Variants in PLAG1 observed in about 807,000 individuals in gnomAD.
PLAG1 encodes zinc finger protein PLAG1.
A neutral mutation model predicts 35.5 loss-of-function variants in PLAG1; 7 were observed. The ratio of observed to expected loss-of-function variants is 0.20; its 90% CI spans 0.11 to 0.37. The LOEUF (loss-of-function observed/expected upper bound fraction) is 0.37, where lower values mean the gene tolerates loss of function less well. PLAG1 is among the 10% of genes least tolerant of loss of function. The pLI is 1.00. For synonymous variants in PLAG1, 229 were observed against 225.4 expected, an observed-to-expected ratio of 1.02 and a Z score of -0.14; for missense variants, 454 against 602.8, an observed-to-expected ratio of 0.75 and a Z score of 2.58.
At chr8:56,178,796 C>T (rs1037353360) in intron 2 of PLAG1, among the ~76,000 whole-genome samples, 1 of 151,986 alleles carries the variant, frequency 6.6e-6, no homozygotes, top group African/African-American at 2.4e-5. Flanking sequence ...GGTACCAAAT[C>T]CACGTGTGCC....
intron 3 of PLAG1, among the ~76,000 whole-genome samples, chr8:56,170,270 A>G (rs922436930): frequency 2.6e-5 from 4 of 152,198 alleles, no homozygotes; most frequent in African/African-American, 9.6e-5. Context: ...TGACATTAAC[A>G]CAATGCAACT....
At chr8:56,202,224 G>T (rs1027888845) in intron 1 of PLAG1, among the ~76,000 whole-genome samples, 2 of 152,152 alleles carry the variant, frequency 1.3e-5, no homozygotes, top group Non-Finnish European at 2.9e-5. Flanking sequence ...ACTTGAAAAA[G>T]ATCTAGATTT....
In PLAG1 at chr8:56,168,398, A is replaced by C. The variant is rs1321622163; in HGVS notation, c.-117-12T>G. ...AAAGCAAAAAGGGACTGGAAAAAAA[A>C]ATAAGAAACAACTAGTTTGTAACTA... is the stretch of plus-strand genomic sequence containing the variant. On this transcript the variant is annotated splice_polypyrimidine_tract_variant and intron_variant, in intron 3 of 4. Coordinates refer to ENST00000316981, the MANE Select transcript of PLAG1 (RefSeq NM_002655.3). 7.9e-7 allele frequency: 1 copy of C among 1,266,444 alleles called. No homozygotes were observed. Among genetic ancestry groups the C allele is most frequent in the African/African-American group, 1.5e-5 (1 of 66,168 alleles). The allele number at this position is 1,266,444 out of a possible 1,614,324, so 78.5% of individuals were successfully genotyped here.
chr8:56,178,052 C>T (rs1811758980), intron 2 of PLAG1: 1 of 964,994 alleles, frequency 1.0e-6, no homozygotes, highest in Non-Finnish European at 1.2e-6. Flanking sequence ...ATGTCCTGTT[C>T]CATAGCTCCT....
intron 1 of PLAG1, among the ~76,000 whole-genome samples, chr8:56,193,059 TAAG>T (rs1346698433): frequency 1.3e-5 from 2 of 152,186 alleles, no homozygotes; most frequent in African/African-American, 4.8e-5. Flanking sequence ...AAACAAAAGA[TAAG>T]TAGGCAGATT....
At chr8:56,172,356 AT>A (rs1423682935) in intron 2 of PLAG1, among the ~76,000 whole-genome samples, 1 of 152,246 alleles carries the variant, frequency 6.6e-6, no homozygotes, top group Admixed American at 6.5e-5. Context: ...TATTTTAAAC[AT>A]TAAAGCAAAA....
chr8:56,203,594 A>G (rs71519446), intron 1 of PLAG1, among the ~76,000 whole-genome samples: 1 of 152,106 alleles, frequency 6.6e-6, no homozygotes, highest in African/African-American at 2.4e-5. Context: ...TTATGAAGCA[A>G]GATAAAGAAA....
At chr8:56,188,049 T>C (rs1812074360) in intron 1 of PLAG1, among the ~76,000 whole-genome samples, 1 of 152,192 alleles carries the variant, frequency 6.6e-6, no homozygotes, top group Non-Finnish European at 1.5e-5. Flanking sequence ...GAAAATATTA[T>C]AATAGCTAAA....
intron 1 of PLAG1, among the ~76,000 whole-genome samples, chr8:56,210,793 G>A (rs1215096426): frequency 1.3e-5 from 2 of 150,874 alleles, no homozygotes; most frequent in African/African-American, 2.4e-5. Context: ...GGAGGAGGAG[G>A]AAAACTTTTC....
Position 56,166,943 on chromosome 8 carries a change from G to A in PLAG1, c.803C>T (p.Pro268Leu), listed in dbSNP as rs1585774853. The change falls in exon 5 of 5, where the codon CCG becomes CTG. Residue 268 changes from proline to leucine, a missense_variant. This residue lies in a region of PLAG1 where 271 missense variants were observed against 315.6 expected (regional missense o/e 0.86). Transcript: ENST00000316981. ...VSVPIKDELL[P>L]VMSLPSSELL... ...TTCACTGGAAGGTAAGGACATCACCGGAAGGAGCTCGTCTTTTATAGGCAC... is the reference window on the plus strand; with the variant it reads ...TTCACTGGAAGGTAAGGACATCACCAGAAGGAGCTCGTCTTTTATAGGCAC... The A allele has an allele frequency of 6.2e-7, 1 of 1,613,852 alleles. No homozygotes were observed. The highest frequency in any genetic ancestry group is 8.5e-7 in the Non-Finnish European group (1 of 1,179,936).
chr8:56,167,109 A>T lies in PLAG1; in HGVS notation c.637T>A (p.Phe213Ile). Residue 213 changes from phenylalanine to isoleucine, a missense_variant, in exon 5 of 5, where the codon TTC becomes ATC. This residue lies in a region of PLAG1 where 9 missense variants were observed against 37.4 expected (regional missense o/e 0.24). Coordinates refer to ENST00000316981, the MANE Select transcript of PLAG1 (RefSeq NM_002655.3). The surrounding 1 kb of genome is among the most constrained non-coding windows in gnomAD (Gnocchi z 5.9). The stretch of plus-strand genomic sequence containing the variant: ...CTCTGTGCACAATACTGACAGAGGA[A>T]GTCCTTTCTTCCAGTGTGCACCACC... ...HMVVHTGRKD[F>I]LCQYCAQRFG... 6.2e-7 allele frequency: 1 copy of T among 1,614,060 alleles called. No individual in the cohort carries two copies.
chr8:56,178,546 A>C (rs1204883949), intron 2 of PLAG1, among the ~76,000 whole-genome samples: 2 of 152,132 alleles, frequency 1.3e-5, no homozygotes, highest in African/African-American at 2.4e-5. Flanking sequence ...TCTTATAGAA[A>C]ATTTTAGCCC....
chr8:56,192,021 G>A (rs1050897909), intron 1 of PLAG1, among the ~76,000 whole-genome samples: 11 of 152,206 alleles, frequency 7.2e-5, no homozygotes, highest in Admixed American at 7.2e-4. Context: ...AAAGGGAAAT[G>A]CAATGACGGC....
intron 1 of PLAG1, among the ~76,000 whole-genome samples, chr8:56,182,861 A>G (rs1811913127): frequency 6.6e-6 from 1 of 152,156 alleles, no homozygotes; most frequent in Non-Finnish European, 1.5e-5. Context: ...TCTAGAGAAG[A>G]TGGAGAGGCT....
At chr8:56,210,708 C>T (rs1812861808) in intron 1 of PLAG1, among the ~76,000 whole-genome samples, 1 of 152,014 alleles carries the variant, frequency 6.6e-6, no homozygotes, top group South Asian at 2.1e-4. Context: ...TTTTTCGGGT[C>T]TCTAATGTCT....
intron 1 of PLAG1, among the ~76,000 whole-genome samples, chr8:56,181,848 C>T (rs958202472): frequency 3.9e-5 from 6 of 151,958 alleles, no homozygotes; most frequent in Non-Finnish European, 7.4e-5. Context: ...AAAAAAGTAC[C>T]ACAGAAGGTC....
At chr8:56,191,988 G>C (rs1435773572) in intron 1 of PLAG1, among the ~76,000 whole-genome samples, 1 of 152,172 alleles carries the variant, frequency 6.6e-6, no homozygotes, top group Non-Finnish European at 1.5e-5. Flanking sequence ...TTGGTACAGG[G>C]AAGATTAGCA....
intron 1 of PLAG1, chr8:56,209,105 A>G (rs1812777319): frequency 6.6e-6 from 1 of 152,246 alleles, no homozygotes; most frequent in East Asian, 1.9e-4. Context: ...AAGGTATTTT[A>G]CAGTTTTTAC....
chr8:56,194,542 G>A (rs1466506953), intron 1 of PLAG1, among the ~76,000 whole-genome samples: 1 of 152,090 alleles, frequency 6.6e-6, no homozygotes, highest in Non-Finnish European at 1.5e-5. Flanking sequence ...GGCAGGTGGA[G>A]GAACCGGAAG....
Sources: allele counts gnomAD v4.1 joint callset (sites outside exome capture counted in the v4.1 genomes callset), GRCh38; gene constraint gnomAD v4.1.1; regional missense constraint gnomAD v4.1.1; non-coding constraint Gnocchi (gnomAD v3.1); transcripts MANE v1.5; gene names NCBI Gene and HGNC (gene_info 2026-07-23, HGNC 2026-07-21).